The following FGF12 variants were observed in gnomAD, a reference collection of about 807,000 sequenced individuals.
FGF12 encodes fibroblast growth factor 12.
In FGF12, 14 loss-of-function variants were observed where a neutral mutation model predicts 23.6. The observed-to-expected ratio is 0.59, with a 90% CI of 0.39 to 0.93. The LOEUF is 0.93. Among genes scored for constraint, FGF12 ranks in the 40% least tolerant of loss-of-function variants. The pLI, the probability that FGF12 is intolerant of heterozygous loss-of-function variation, is 0.00. For synonymous variants in FGF12, 62 were observed against 77.3 expected, an observed-to-expected ratio of 0.80 and a Z score of 1.04; for missense variants, 175 against 217.8, an observed-to-expected ratio of 0.80 and a Z score of 1.24.
chr3:192,432,639 A>AAGAAAGAAAG (rs1553812374), intron 2 of FGF12, among the ~76,000 whole-genome samples: 2 of 137,090 alleles, frequency 1.5e-5, no homozygotes, highest in Non-Finnish European at 3.1e-5. Flanking sequence ...AAAAAAAAAA[A>AAGAAAGAAAG]AAAGAAAGAA....
chr3:192,291,438 C>T (rs879475113), intron 4 of FGF12, among the ~76,000 whole-genome samples: 2 of 152,026 alleles, frequency 1.3e-5, no homozygotes, highest in Non-Finnish European at 2.9e-5. Flanking sequence ...ACAAAATTAG[C>T]TGGGTGTGGT....
At chr3:192,711,631 G>A (rs1718684326) in intron 2 of FGF12, among the ~76,000 whole-genome samples, 1 of 152,176 alleles carries the variant, frequency 6.6e-6, no homozygotes. Context: ...GGATGCTGTT[G>A]ATCTATGACC....
chr3:192,725,459 T>G (rs566276122), intron 2 of FGF12, among the ~76,000 whole-genome samples: 2 of 152,166 alleles, frequency 1.3e-5, no homozygotes, highest in East Asian at 1.9e-4. Context: ...CTGAGATTCT[T>G]TCTCCTTTCT....
At chr3:192,718,343 G>T (rs1175425771) in intron 2 of FGF12, among the ~76,000 whole-genome samples, 3 of 151,898 alleles carry the variant, frequency 2.0e-5, no homozygotes, top group Non-Finnish European at 4.4e-5. Flanking sequence ...TGTACAATCT[G>T]CTAAGCAAAA....
At chr3:192,561,695 G>A (rs1712044391) in intron 2 of FGF12, among the ~76,000 whole-genome samples, 1 of 152,108 alleles carries the variant, frequency 6.6e-6, no homozygotes. Flanking sequence ...CAGACCAACT[G>A]CAACTCTCAT....
intron 2 of FGF12, among the ~76,000 whole-genome samples, chr3:192,492,011 G>A (rs1463562260): frequency 6.6e-6 from 1 of 152,108 alleles, no homozygotes; most frequent in African/African-American, 2.4e-5. Context: ...AAACAGGAGT[G>A]TCATTCATCA....
intron 4 of FGF12, among the ~76,000 whole-genome samples, chr3:192,326,481 T>C (rs1265447739): frequency 2.6e-5 from 4 of 152,144 alleles, no homozygotes; most frequent in Admixed American, 1.3e-4. Flanking sequence ...CCCCAACTCA[T>C]GTTTCTCAAT....
intron 5 of FGF12, among the ~76,000 whole-genome samples, chr3:192,148,185 C>T (rs1270573031): frequency 6.6e-6 from 1 of 152,200 alleles, no homozygotes; most frequent in Non-Finnish European, 1.5e-5. Flanking sequence ...GGATTATTCA[C>T]TGTAGCCAAA....
At chr3:192,631,201 C>T (rs182464904) in intron 2 of FGF12, among the ~76,000 whole-genome samples, 3 of 152,166 alleles carry the variant, frequency 2.0e-5, no homozygotes, top group South Asian at 2.1e-4. Context: ...TTTGCTGGCC[C>T]GAATTTGCTT....
At chr3:192,582,550 G>A (rs1713198637) in intron 2 of FGF12, among the ~76,000 whole-genome samples, 1 of 152,112 alleles carries the variant, frequency 6.6e-6, no homozygotes, top group South Asian at 2.1e-4. Flanking sequence ...AACTTCAAAT[G>A]CCATGTAAGA....
chr3:192,390,204 CTATT>C (rs1720232208), intron 2 of FGF12, among the ~76,000 whole-genome samples: 3 of 152,172 alleles, frequency 2.0e-5, no homozygotes, highest in South Asian at 4.1e-4. Flanking sequence ...TTTCCCATCT[CTATT>C]CATTTATTTG....
At chr3:192,503,017 G>A (rs556802188) in intron 2 of FGF12, among the ~76,000 whole-genome samples, 1 of 152,310 alleles carries the variant, frequency 6.6e-6, no homozygotes, top group South Asian at 2.1e-4. Context: ...ACTGAAAGAG[G>A]AGAGTGGCAA....
At position 192,378,255 on chromosome 3, in the gene FGF12, C is replaced by T. The variant is rs571119458; in HGVS notation, c.14-17717G>A. ...CCTCCTGAGTAGCTGGGACTACAGG[C>T]GTGTGCTATCATGCCTAGCTAATTT... On this transcript the variant is annotated intron_variant, in intron 2 of 5. Coordinates refer to ENST00000445105, the MANE Select transcript of FGF12 (RefSeq NM_004113.6). Among the ~76,000 whole-genome samples, 30 of 149,544 alleles carry T rather than the reference C, an allele frequency of 2.0e-4. 1 individual carries two copies. The highest frequency in any genetic ancestry group is 3.3e-4 in the Admixed American group (5 of 15,138).
chr3:192,146,287 T>TTC (rs1713706417), intron 5 of FGF12, among the ~76,000 whole-genome samples: 1 of 151,698 alleles, frequency 6.6e-6, no homozygotes, highest in Non-Finnish European at 1.5e-5. Flanking sequence ...TTTTTTTTTT[T>TTC]TGAGACGGAG....
At chr3:192,703,467 G>A (rs553044553) in intron 2 of FGF12, among the ~76,000 whole-genome samples, 1 of 152,194 alleles carries the variant, frequency 6.6e-6, no homozygotes, top group Non-Finnish European at 1.5e-5. Context: ...GATCATGATG[G>A]TAGTTGCTGA....
At chr3:192,167,475 T>C (rs1715232999) in intron 5 of FGF12, among the ~76,000 whole-genome samples, 1 of 151,878 alleles carries the variant, frequency 6.6e-6, no homozygotes, top group South Asian at 2.1e-4. Context: ...AAAAGCTGGA[T>C]GCAGCCAAGG....
rs1294854577 is a variant in FGF12 at position 192,336,117 on chromosome 3, AC to A, written c.125-654del. On this transcript the variant is annotated intron_variant, in intron 3 of 5. Coordinates refer to ENST00000445105, the MANE Select transcript of FGF12 (RefSeq NM_004113.6). This position sits in a 1 kb window ranked among gnomAD's most constrained non-coding sequence, Gnocchi z 4.3. ...ATATCCAGGTGGGAAATACACACAC[AC>A]ACACACACACACACACACATATACA... 6.6e-6 allele frequency among the ~76,000 whole-genome samples: 1 copy of A among 151,272 alleles called. No individual in the cohort carries two copies. Among genetic ancestry groups the A allele is most frequent in the Non-Finnish European group, 1.5e-5 (1 of 67,764 alleles).
intron 2 of FGF12, among the ~76,000 whole-genome samples, chr3:192,440,813 C>T (rs1722181332): frequency 6.6e-6 from 1 of 152,176 alleles, no homozygotes; most frequent in Admixed American, 6.5e-5. Context: ...TGTAAGCATC[C>T]CATGAGGCTG....
rs57045697 is a variant in FGF12 at position 192,686,815 on chromosome 3, A to ATTTTTTTTTT, written c.13+40356_13+40365dup. Among the ~76,000 whole-genome samples, 15 of 61,478 alleles carry ATTTTTTTTTT rather than the reference A, an allele frequency of 2.4e-4. 1 individual carries two copies. Among genetic ancestry groups the ATTTTTTTTTT allele is most frequent in the African/African-American group, 8.9e-4 (11 of 12,292 alleles). 40.3% of individuals were successfully genotyped at this position (61,478 alleles called of 152,430 possible). A position where few individuals can be genotyped will look rare whatever the true frequency, so the allele number is the denominator to read the frequency against. On this transcript the variant is annotated intron_variant, in intron 2 of 5. Transcript: ENST00000445105. ...AAAAAGACAATGACTTTTTTCTCTA[A>ATTTTTTTTTT]TTTTTTTTTTTTTTTTTTTTTTTTT...
Sources: allele counts gnomAD v4.1 joint callset (sites outside exome capture counted in the v4.1 genomes callset), GRCh38; gene constraint gnomAD v4.1.1; non-coding constraint Gnocchi (gnomAD v3.1); transcripts MANE v1.5; gene names NCBI Gene and HGNC (gene_info 2026-07-23, HGNC 2026-07-21).